The following ZNRF1 variants were observed in gnomAD, a reference collection of about 807,000 sequenced individuals.
ZNRF1 encodes the protein E3 ubiquitin-protein ligase ZNRF1.
In ZNRF1, 3 loss-of-function variants were observed where a neutral mutation model predicts 18.4. The observed-to-expected ratio is 0.16, with a 90% CI of 0.07 to 0.42. The LOEUF (loss-of-function observed/expected upper bound fraction) is 0.42. Ranked by LOEUF, ZNRF1 falls within the 10% of genes least tolerant of loss-of-function variation. ZNRF1 has a pLI of 0.99. For missense variants in ZNRF1, 310 were observed against 329.8 expected, an observed-to-expected ratio of 0.94 and a Z score of 0.47; for synonymous variants, 157 against 144.2, an observed-to-expected ratio of 1.09 and a Z score of -0.64.
At chr16:75,000,373 C>T (rs551996717) in intron 1 of ZNRF1, 3 of 626,192 alleles carry the variant, frequency 4.8e-6, no homozygotes, top group South Asian at 4.5e-5. Context: ...TTGGCATCAC[C>T]CTCCTCAGAG....
At chr16:75,099,662 A>G (rs2036234246) in intron 2 of ZNRF1, among the ~76,000 whole-genome samples, 1 of 152,162 alleles carries the variant, frequency 6.6e-6, no homozygotes, top group Admixed American at 6.5e-5. Flanking sequence ...ATCCGGCAGC[A>G]TTTGTTGAAC....
At chr16:75,030,107 C>T (rs1012306762) in intron 1 of ZNRF1, among the ~76,000 whole-genome samples, 1 of 150,062 alleles carries the variant, frequency 6.7e-6, no homozygotes, top group South Asian at 2.1e-4. Flanking sequence ...AATTCACATA[C>T]CATACAATTC....
chr16:75,030,019 C>T (rs908943765), intron 1 of ZNRF1, among the ~76,000 whole-genome samples: 1 of 147,256 alleles, frequency 6.8e-6, no homozygotes, highest in African/African-American at 2.5e-5. Context: ...CCTGAGAGAG[C>T]ACCACTGCAT....
intron 1 of ZNRF1, among the ~76,000 whole-genome samples, chr16:75,088,577 T>G (rs2036100962): frequency 6.6e-6 from 1 of 152,240 alleles, no homozygotes; most frequent in African/African-American, 2.4e-5. Context: ...TTCTGTTCTT[T>G]CTGCCATGTA....
chr16:75,049,966 A>T (rs1199279517), intron 1 of ZNRF1, among the ~76,000 whole-genome samples: 4 of 152,018 alleles, frequency 2.6e-5, no homozygotes, highest in African/African-American at 9.7e-5. Context: ...AATGCTGCCC[A>T]TTATAGTCAT....
rs576382149 is a variant in ZNRF1, at chr16:75,018,347, A to G, written c.424+18252A>G. On this transcript the variant is annotated intron_variant, in intron 1 of 4. Coordinates refer to ENST00000335325, the MANE Select transcript of ZNRF1 (RefSeq NM_032268.5). ...AATGAGAAATATCGACAGAAAATTCAGAGAATCACACCCTTTGCAAATAAT... is the reference window on the plus strand; with the variant it reads ...AATGAGAAATATCGACAGAAAATTCGGAGAATCACACCCTTTGCAAATAAT... 2.0e-5 allele frequency among the ~76,000 whole-genome samples: 3 copies of G among 152,320 alleles called. No individual in the cohort carries two copies. In the South Asian group the frequency reaches 6.2e-4, roughly 32 times the overall value.
intron 1 of ZNRF1, among the ~76,000 whole-genome samples, chr16:75,061,954 G>A (rs189949161): frequency 6.6e-6 from 1 of 152,350 alleles, no homozygotes; most frequent in East Asian, 1.9e-4. Context: ...TGCCGAGACA[G>A]TAGAAGATGG....
chr16:75,045,341 A>AT (rs904244360), intron 1 of ZNRF1, among the ~76,000 whole-genome samples: 16 of 151,916 alleles, frequency 1.1e-4, no homozygotes, highest in African/African-American at 3.4e-4. Context: ...GCTCTTGACC[A>AT]TTTTTTTTCT....
In ZNRF1 at chr16:75,032,945, C is replaced by G. The variant is rs758142256; in HGVS notation, c.424+32850C>G. Among the ~76,000 whole-genome samples the G allele has an allele frequency of 6.0e-4, 92 of 152,110 alleles. 2 individuals carry two copies. The highest frequency in any genetic ancestry group is 1.5e-4 in the Non-Finnish European group (10 of 68,020). On this transcript the variant is annotated intron_variant, in intron 1 of 4. Coordinates refer to ENST00000335325, the MANE Select transcript of ZNRF1 (RefSeq NM_032268.5). Reference sequence around the variant, plus strand: ...GGAGGATCACTTGAGCCAAGGTGTTCAAGGCTGTAGTGAGCTGTAAGCATG... The same window carrying G: ...GGAGGATCACTTGAGCCAAGGTGTTGAAGGCTGTAGTGAGCTGTAAGCATG...
chr16:74,999,128 C>G lies in ZNRF1; in HGVS notation c.-544C>G, dbSNP rs986115870. ...CGGCTGAAGCGAGAGCGCGACGCGA[C>G]GCGACCGCGGCTTCCCGAGCTGCGC... On this transcript the variant is annotated 5_prime_UTR_variant, in exon 1 of 5. Transcript: ENST00000335325. 6.8e-6 allele frequency: 1 copy of G among 147,428 alleles called. No homozygotes were observed. Among genetic ancestry groups the G allele is most frequent in the Non-Finnish European group, 1.5e-5 (1 of 66,260 alleles). The allele number at this position is 147,428 out of a possible 1,614,324, so 9.1% of individuals were successfully genotyped here. A position where few individuals can be genotyped will look rare whatever the true frequency, so the allele number is the denominator to read the frequency against.
Position 75,005,883 on chromosome 16 carries a change from C to T in ZNRF1, c.424+5788C>T, listed in dbSNP as rs145788792. 2.6e-5 allele frequency among the ~76,000 whole-genome samples: 4 copies of T among 152,214 alleles called. 1 individual carries two copies. In the East Asian group the frequency reaches 7.7e-4, roughly 29 times the overall value. On this transcript the variant is annotated intron_variant, in intron 1 of 4. Coordinates refer to ENST00000335325, the MANE Select transcript of ZNRF1 (RefSeq NM_032268.5). ...AATGGGTCATTAAGGGATTTTGTCA[C>T]TGGGCAAACATCATAGGGTGTACAT...
rs1319442864 is a variant in ZNRF1 at position 75,061,459 on chromosome 16, A to C, written c.425-32113A>C. 3.3e-4 allele frequency among the ~76,000 whole-genome samples: 8 copies of C among 24,104 alleles called. No homozygotes were observed. The East Asian group carries it at 0.016, about 49-fold the overall frequency. 15.8% of individuals were successfully genotyped at this position (24,104 alleles called of 152,430 possible). On this transcript the variant is annotated intron_variant, in intron 1 of 4. Transcript: ENST00000335325. ...ACTTAACATAATGATCTCCGGTTCC[A>C]CTCATGTTGTTGCAGATTACTGGAT...
chr16:75,043,636 A>C (rs1275510249), intron 1 of ZNRF1, among the ~76,000 whole-genome samples: 1 of 152,142 alleles, frequency 6.6e-6, no homozygotes, highest in Non-Finnish European at 1.5e-5. Flanking sequence ...CATAGAGCTC[A>C]CAATCTGATA....
intron 1 of ZNRF1, among the ~76,000 whole-genome samples, chr16:75,029,340 G>T (rs1319978138): frequency 6.6e-6 from 1 of 151,862 alleles, no homozygotes; most frequent in African/African-American, 2.4e-5. Flanking sequence ...AGTAGAGACG[G>T]GGTTCTACCA....
At position 75,016,922 on chromosome 16, in the gene ZNRF1, T is replaced by C. The variant is rs552563366; in HGVS notation, c.424+16827T>C. On this transcript the variant is annotated intron_variant, in intron 1 of 4. Coordinates refer to ENST00000335325, the MANE Select transcript of ZNRF1 (RefSeq NM_032268.5). ...AAACTGTGTTGGCTAACTGAATCTT[T>C]CTAAGGGACAAATAAGGGAATCCAG... Among the ~76,000 whole-genome samples the C allele has an allele frequency of 3.3e-5, 5 of 152,236 alleles. No homozygotes were observed. The South Asian group carries it at 1.0e-3, about 32-fold the overall frequency.
intron 2 of ZNRF1, chr16:75,104,432 G>T: frequency 5.0e-6 from 1 of 200,904 alleles, no homozygotes; most frequent in Non-Finnish European, 1.0e-5. Context: ...CACTGGCTAC[G>T]TGTGTGTTTA....
At chr16:75,021,711 T>TA (rs1252808338) in intron 1 of ZNRF1, among the ~76,000 whole-genome samples, 10 of 152,228 alleles carry the variant, frequency 6.6e-5, no homozygotes, top group African/African-American at 2.4e-4. Flanking sequence ...TCTCAACTCT[T>TA]AGAGTTAATG....
intron 1 of ZNRF1, among the ~76,000 whole-genome samples, chr16:75,079,412 A>G (rs567512079): frequency 6.6e-6 from 1 of 152,336 alleles, no homozygotes; most frequent in East Asian, 1.9e-4. Context: ...CCAGGGAAGC[A>G]GAGGTTGCGG....
chr16:75,023,932 G>C (rs566274499), intron 1 of ZNRF1, among the ~76,000 whole-genome samples: 1 of 150,372 alleles, frequency 6.7e-6, no homozygotes, highest in Non-Finnish European at 1.5e-5. Flanking sequence ...GTGCAGTGGT[G>C]TGATCTCGGC....
Sources: allele counts gnomAD v4.1 joint callset (sites outside exome capture counted in the v4.1 genomes callset), GRCh38; gene constraint gnomAD v4.1.1; transcripts MANE v1.5; gene names NCBI Gene and HGNC (gene_info 2026-07-23, HGNC 2026-07-21).